Variants in MINDY4 observed in about 807,000 individuals in gnomAD.
MINDY4 encodes MINDY lysine 48 deubiquitinase 4.
Under a neutral mutation model 87.0 loss-of-function variants are expected in MINDY4, and 68 were observed. That is an observed-to-expected ratio of 0.78 (90% CI 0.64 to 0.96). MINDY4 has a LOEUF of 0.96. MINDY4 is among the 40% of genes least tolerant of loss of function. MINDY4 has a pLI of 0.00. For missense variants in MINDY4, 919 were observed against 928.2 expected, an observed-to-expected ratio of 0.99 and a Z score of 0.13; for synonymous variants, 379 against 363.2, an observed-to-expected ratio of 1.04 and a Z score of -0.50.
intron 17 of MINDY4, among the ~76,000 whole-genome samples, chr7:30,889,701 G>A (rs1790740174): frequency 6.6e-6 from 1 of 152,176 alleles, no homozygotes; most frequent in Non-Finnish European, 1.5e-5. Context: ...CACTTGGATA[G>A]CATAGAAGCA....
intron 5 of MINDY4, among the ~76,000 whole-genome samples, chr7:30,820,257 T>C (rs1788288274): frequency 6.6e-6 from 1 of 152,200 alleles, no homozygotes. Context: ...AAGTTTAATT[T>C]TTTTTTTGCC....
At chr7:30,882,834 G>A in intron 16 of MINDY4, 87 bp from the exon 17 acceptor site, 1 of 1,159,618 alleles carries the variant, frequency 8.6e-7, no homozygotes. Flanking sequence ...GACTAGAAGG[G>A]GGCGGGTCTC....
At position 30,779,402 on chromosome 7, in the gene MINDY4, C is replaced by G. The variant is rs575190741; in HGVS notation, c.183+851C>G. ...TTAAATTTTTAATTTGTTATGAAGA[C>G]AGAAAAAGAATGGGCTGTCCAGCAA... is the stretch of plus-strand genomic sequence containing the variant. On this transcript the variant is annotated intron_variant, in intron 2 of 17. Transcript: ENST00000265299. The G allele has an allele frequency of 2.6e-5, 4 of 152,178 alleles. No homozygotes were observed. The South Asian group carries it at 8.3e-4, about 32-fold the overall frequency. The allele number at this position is 152,178 out of a possible 1,614,324, so 9.4% of individuals were successfully genotyped here. A position where few individuals can be genotyped will look rare whatever the true frequency, so the allele number is the denominator to read the frequency against.
chr7:30,881,042 T>A (rs977699329), intron 15 of MINDY4, among the ~76,000 whole-genome samples: 8 of 152,202 alleles, frequency 5.3e-5, no homozygotes, highest in African/African-American at 1.9e-4. Context: ...ATTCCCATTC[T>A]TTCTTTAATC....
At position 30,888,066 on chromosome 7, in the gene MINDY4, A is replaced by G. The variant is rs150056305; in HGVS notation, c.2226-3891A>G. Among the ~76,000 whole-genome samples the G allele has an allele frequency of 2.3e-3, 348 of 152,308 alleles. 1 individual carries two copies. Among genetic ancestry groups the G allele is most frequent in the African/African-American group, 8.0e-3 (334 of 41,564 alleles). ...CAGGCCTGCTGTCTTGTCCTGGCTGACACAGGCTCTATCAGGCACCTTTTT... is the reference window on the plus strand; with the variant it reads ...CAGGCCTGCTGTCTTGTCCTGGCTGGCACAGGCTCTATCAGGCACCTTTTT... On this transcript the variant is annotated intron_variant, in intron 17 of 17. Coordinates refer to ENST00000265299, the MANE Select transcript of MINDY4 (RefSeq NM_032222.3).
At chr7:30,806,758 G>T (rs921411952) in intron 5 of MINDY4, among the ~76,000 whole-genome samples, 7 of 152,256 alleles carry the variant, frequency 4.6e-5, no homozygotes, top group Admixed American at 6.5e-5. Flanking sequence ...CTAGGGGAAG[G>T]TGGGTCTGTT....
chr7:30,885,214 G>A (rs950175611), intron 17 of MINDY4, among the ~76,000 whole-genome samples: 11 of 152,184 alleles, frequency 7.2e-5, no homozygotes, highest in Admixed American at 6.5e-5. Context: ...CAAGCTTCAG[G>A]GGCATCAGAG....
In MINDY4 at chr7:30,882,222, G is replaced by A; in HGVS notation, c.2013G>A (p.Val671=). 1 of 1,613,752 alleles carries A rather than the reference G, an allele frequency of 6.2e-7. No homozygotes were observed. The highest frequency in any genetic ancestry group is 8.5e-7 in the Non-Finnish European group (1 of 1,179,700). The change falls in exon 16 of 18, where the codon GTG becomes GTA. Residue 671 remains valine, a synonymous_variant. Transcript: ENST00000265299. ...FLKTPRFPIW[V]VCSESHFSIL... ...AGACCCCGAGGTTCCCCATCTGGGT[G>A]GTTTGCAGTGAGAGCCACTTCAGCA...
intron 17 of MINDY4, among the ~76,000 whole-genome samples, chr7:30,886,940 T>C (rs1024288187): frequency 2.6e-5 from 4 of 152,196 alleles, no homozygotes; most frequent in Admixed American, 2.6e-4. Flanking sequence ...TCTCTCATGC[T>C]TCCAGCCTGG....
chr7:30,892,290 C>G lies in MINDY4; in HGVS notation c.*285C>G. On this transcript the variant is annotated 3_prime_UTR_variant, in exon 18 of 18. Transcript: ENST00000265299. ...CCTTTGTCTGCATCCCTCCCTTGCTCCCTGCTGGGTGGTCCCTCACCCAGG... is the reference window on the plus strand; with the variant it reads ...CCTTTGTCTGCATCCCTCCCTTGCTGCCTGCTGGGTGGTCCCTCACCCAGG... The G allele has an allele frequency of 2.3e-6, 1 of 442,318 alleles. No individual in the cohort carries two copies. The highest frequency in any genetic ancestry group is 3.5e-5 in the South Asian group (1 of 28,690). 27.4% of individuals were successfully genotyped at this position (442,318 alleles called of 1,614,324 possible).
rs538737257 is a variant in MINDY4, at chr7:30,861,301, G to T, written c.1745+1977G>T. ...TCTCATTGCCAGCGGTAAGGATAGCGTCTGTGAAGCTTCCCATGTGCCAGG... is the reference window on the plus strand; with the variant it reads ...TCTCATTGCCAGCGGTAAGGATAGCTTCTGTGAAGCTTCCCATGTGCCAGG... On this transcript the variant is annotated intron_variant, in intron 13 of 17. Transcript: ENST00000265299. 2.0e-5 allele frequency among the ~76,000 whole-genome samples: 3 copies of T among 152,338 alleles called. No individual in the cohort carries two copies. The East Asian group carries it at 5.8e-4, about 29-fold the overall frequency.
intron 13 of MINDY4, among the ~76,000 whole-genome samples, chr7:30,870,656 AC>A (rs1394140968): frequency 6.6e-6 from 1 of 152,226 alleles, no homozygotes; most frequent in Non-Finnish European, 1.5e-5. Flanking sequence ...GAATTGCTAA[AC>A]TTGTTTTGGA....
chr7:30,841,216 C>A (rs1358906465), intron 9 of MINDY4, among the ~76,000 whole-genome samples: 1 of 152,246 alleles, frequency 6.6e-6, no homozygotes, highest in Non-Finnish European at 1.5e-5. Context: ...CACGCTATCT[C>A]CCCTCTGCCA....
chr7:30,806,662 TC>T (rs1787814874), intron 5 of MINDY4, among the ~76,000 whole-genome samples: 1 of 152,258 alleles, frequency 6.6e-6, no homozygotes, highest in Admixed American at 6.5e-5. Context: ...TCCCCTGGGG[TC>T]AGGCATATAG....
At chr7:30,825,963 C>G (rs1788486496) in intron 5 of MINDY4, among the ~76,000 whole-genome samples, 2 of 152,166 alleles carry the variant, frequency 1.3e-5, no homozygotes. Flanking sequence ...AATTTGTTTC[C>G]TTGCCCTTTT....
chr7:30,807,587 G>T (rs1377508068), intron 5 of MINDY4, among the ~76,000 whole-genome samples: 5 of 152,126 alleles, frequency 3.3e-5, no homozygotes, highest in Admixed American at 3.3e-4. Flanking sequence ...AAAGAAAGAA[G>T]AAGTAAAAAC....
chr7:30,850,151 A>T (rs1459063369), intron 9 of MINDY4, among the ~76,000 whole-genome samples: 1 of 151,676 alleles, frequency 6.6e-6, no homozygotes, highest in Non-Finnish European at 1.5e-5. Flanking sequence ...TCTCTCACAC[A>T]CTTCTGGGCC....
intron 6 of MINDY4, among the ~76,000 whole-genome samples, chr7:30,835,414 A>G (rs1426101887): frequency 6.6e-6 from 1 of 152,254 alleles, no homozygotes; most frequent in African/African-American, 2.4e-5. Context: ...CTCGCACAGC[A>G]CATGGGAATT....
intron 13 of MINDY4, among the ~76,000 whole-genome samples, chr7:30,868,627 C>T (rs1790009377): frequency 6.6e-6 from 1 of 152,216 alleles, no homozygotes; most frequent in African/African-American, 2.4e-5. Context: ...ATTCATCTGA[C>T]CTTCTGCAAA....
Sources: gnomAD v4.1 joint callset for allele counts (sites outside exome capture counted in the v4.1 genomes callset) on GRCh38, gnomAD v4.1.1 for gene constraint, MANE v1.5 for transcripts, NCBI Gene and HGNC (gene_info 2026-07-23, HGNC 2026-07-21) for gene names.